GSG1L: variants seen among roughly 807,000 people sequenced by gnomAD.
GSG1L encodes the protein GSG1 like.
Under a neutral mutation model 42.1 loss-of-function variants are expected in GSG1L, and 24 were observed. The observed-to-expected ratio is 0.57, with a 90% CI of 0.41 to 0.80. GSG1L has a LOEUF of 0.80. Ranked by LOEUF, GSG1L falls within the 30% of genes least tolerant of loss-of-function variation. The pLI, the probability that GSG1L is intolerant of heterozygous loss-of-function variation, is 0.00. For missense variants in GSG1L, 445 were observed against 472.2 expected (o/e 0.94, Z 0.53); for synonymous variants, 215 against 203.5 (o/e 1.06, Z -0.48).
At chr16:27,902,844 G>A (rs1247295947) in intron 2 of GSG1L, among the ~76,000 whole-genome samples, 3 of 152,234 alleles carry the variant, frequency 2.0e-5, no homozygotes, top group Admixed American at 6.5e-5. Flanking sequence ...GAACAGGACA[G>A]GGTACCCAGA....
intron 2 of GSG1L, among the ~76,000 whole-genome samples, chr16:27,954,382 C>G (rs2084983753): frequency 6.6e-6 from 1 of 152,138 alleles, no homozygotes; most frequent in Non-Finnish European, 1.5e-5. Context: ...TGACTACCCG[C>G]ATGGAGGAAG....
intron 1 of GSG1L, among the ~76,000 whole-genome samples, chr16:27,976,798 T>A (rs2085255601): frequency 6.6e-6 from 1 of 152,108 alleles, no homozygotes; most frequent in Admixed American, 6.5e-5. Context: ...GTCTGAACCA[T>A]CCCCAGCCTT....
At chr16:27,885,501 G>A (rs1223382564) in intron 2 of GSG1L, among the ~76,000 whole-genome samples, 2 of 152,106 alleles carry the variant, frequency 1.3e-5, no homozygotes, top group Admixed American at 1.3e-4. Context: ...TTGCCCTCAA[G>A]GGTCACCTAC....
chr16:27,807,590 T>G, intron 5 of GSG1L, 36 bp from the exon 6 acceptor site: 45 of 1,536,386 alleles, frequency 2.9e-5, no homozygotes, highest in Non-Finnish European at 3.6e-5. Flanking sequence ...AAATCCTAGG[T>G]AGGAAAGAGA....
intron 2 of GSG1L, among the ~76,000 whole-genome samples, chr16:27,895,412 T>C (rs905400440): frequency 6.6e-6 from 1 of 152,116 alleles, no homozygotes; most frequent in Non-Finnish European, 1.5e-5. Flanking sequence ...CTTGTCTCCC[T>C]ATACGACGAA....
rs535489573 is a variant in GSG1L, at chr16:28,055,989, G to A, written c.349+7087C>T. Among the ~76,000 whole-genome samples, 306 of 152,190 alleles carry A rather than the reference G, an allele frequency of 2.0e-3. 2 individuals carry two copies. The highest frequency in any genetic ancestry group is 7.0e-3 in the African/African-American group (291 of 41,498). On this transcript the variant is annotated intron_variant, in intron 1 of 6. Coordinates refer to ENST00000447459, the MANE Select transcript of GSG1L (RefSeq NM_001109763.2). ...TCTCCTTGGAAATAAACCAAGAGAG[G>A]GAGCAGGGAAGAAAGAAGAACATCT...
At chr16:27,982,610 GGTAAT>G (rs1395001505) in intron 1 of GSG1L, among the ~76,000 whole-genome samples, 1 of 152,154 alleles carries the variant, frequency 6.6e-6, no homozygotes, top group Non-Finnish European at 1.5e-5. Flanking sequence ...CCTCAGACTG[GGTAAT>G]TTATAGAGTA....
At chr16:27,887,092 A>T (rs1396774949) in intron 2 of GSG1L, among the ~76,000 whole-genome samples, 1 of 152,050 alleles carries the variant, frequency 6.6e-6, no homozygotes, top group Non-Finnish European at 1.5e-5. Flanking sequence ...AGTAGCTGGG[A>T]CTACAGGCAT....
Position 27,962,704 on chromosome 16 carries a change from C to T in GSG1L, c.397+452G>A, listed in dbSNP as rs369114549. ...AGCCTCTGCTGTCGGGCTCTGAACA[C>T]CAGTGAGCCCTCTCTGGATGGTGGC... On this transcript the variant is annotated intron_variant, in intron 2 of 6. Coordinates refer to ENST00000447459, the MANE Select transcript of GSG1L (RefSeq NM_001109763.2). 1.2e-3 allele frequency among the ~76,000 whole-genome samples: 177 copies of T among 152,264 alleles called. 1 individual carries two copies. Among genetic ancestry groups the T allele is most frequent in the African/African-American group, 4.2e-3 (173 of 41,548 alleles).
chr16:27,877,018 CTT>C (rs760867058), intron 3 of GSG1L, among the ~76,000 whole-genome samples: 2 of 152,182 alleles, frequency 1.3e-5, no homozygotes, highest in Non-Finnish European at 2.9e-5. Flanking sequence ...TTCCGAACGA[CTT>C]TCTCTTTTTT....
rs184265592 is a variant in GSG1L, at chr16:27,883,572, G to A, written c.550+914C>T. 5.1e-4 allele frequency among the ~76,000 whole-genome samples: 78 copies of A among 152,284 alleles called. 1 individual carries two copies. The highest frequency in any genetic ancestry group is 1.9e-3 in the African/African-American group (78 of 41,552). On this transcript the variant is annotated intron_variant, in intron 3 of 6. Transcript: ENST00000447459. ...TTAGGAGAGATTACTTCCCTTACCA[G>A]GAGGCTCATCGTTTTGGTTTCATTA...
At chr16:27,948,283 C>T (rs148263526) in intron 2 of GSG1L, among the ~76,000 whole-genome samples, 63 of 152,330 alleles carry the variant, frequency 4.1e-4, no homozygotes, top group African/African-American at 1.5e-3. Flanking sequence ...CCTAGTGTAA[C>T]AGCAGTACAA....
At chr16:27,795,184 T>G (rs1316556139) in intron 6 of GSG1L, among the ~76,000 whole-genome samples, 1 of 151,772 alleles carries the variant, frequency 6.6e-6, no homozygotes, top group Non-Finnish European at 1.5e-5. Context: ...GACTCTTTTT[T>G]TTTTCTTTTT....
chr16:27,892,939 A>G (rs1189909991), intron 2 of GSG1L, among the ~76,000 whole-genome samples: 2 of 152,148 alleles, frequency 1.3e-5, no homozygotes, highest in Non-Finnish European at 2.9e-5. Flanking sequence ...TGTGATGAAC[A>G]CTCACTTTTC....
At chr16:27,911,163 T>C (rs1019987003) in intron 2 of GSG1L, among the ~76,000 whole-genome samples, 8 of 152,160 alleles carry the variant, frequency 5.3e-5, no homozygotes, top group Non-Finnish European at 1.0e-4. Context: ...CCAGCCTGAC[T>C]GGACTTCCTT....
At chr16:27,863,766 G>A (rs2083682838) in intron 3 of GSG1L, among the ~76,000 whole-genome samples, 1 of 152,182 alleles carries the variant, frequency 6.6e-6, no homozygotes, top group East Asian at 1.9e-4. Flanking sequence ...AGATCCAACA[G>A]CCCAAGGAGT....
At chr16:27,946,141 G>A (rs1362943022) in intron 2 of GSG1L, among the ~76,000 whole-genome samples, 2 of 152,228 alleles carry the variant, frequency 1.3e-5, no homozygotes, top group African/African-American at 4.8e-5. Flanking sequence ...GACGGGATAC[G>A]TCACTTTGCT....
At chr16:27,838,314 G>C (rs2083341763) in intron 4 of GSG1L, among the ~76,000 whole-genome samples, 1 of 152,212 alleles carries the variant, frequency 6.6e-6, no homozygotes, top group Non-Finnish European at 1.5e-5. Context: ...ATGGGTGAGA[G>C]GCTATATCCA....
chr16:27,867,509 C>T (rs541951170), intron 3 of GSG1L, among the ~76,000 whole-genome samples: 1 of 152,294 alleles, frequency 6.6e-6, no homozygotes, highest in Admixed American at 6.5e-5. Flanking sequence ...GGCAGGTGGT[C>T]CTCAGAGCCT....
Sources: gnomAD v4.1 joint callset for allele counts (sites outside exome capture counted in the v4.1 genomes callset) on GRCh38, gnomAD v4.1.1 for gene constraint, MANE v1.5 for transcripts, NCBI Gene and HGNC (gene_info 2026-07-23, HGNC 2026-07-21) for gene names.